TNR: variants seen among roughly 807,000 people sequenced by gnomAD.
The protein encoded by TNR is tenascin-R.
TNR carries 45 observed loss-of-function variants against 150.4 expected under a neutral mutation model. That is an observed-to-expected ratio of 0.30 (90% CI 0.24 to 0.38). The LOEUF is 0.38. Ranked by LOEUF, TNR falls within the 10% of genes least tolerant of loss-of-function variation. The pLI, the probability that TNR is intolerant of heterozygous loss-of-function variation, is 1.00. For synonymous variants in TNR, 687 were observed against 678.4 expected, an observed-to-expected ratio of 1.01 and a Z score of -0.20; for missense variants, 1,544 against 1,759.1, an observed-to-expected ratio of 0.88 and a Z score of 2.19.
Position 175,323,483 on chromosome 1 carries a change from G to C in TNR, c.3958-7C>G. The C allele has an allele frequency of 1.2e-6, 2 of 1,613,394 alleles. No homozygotes were observed. Among genetic ancestry groups the C allele is most frequent in the Non-Finnish European group, 8.5e-7 (1 of 1,179,648 alleles). On this transcript the variant is annotated splice_polypyrimidine_tract_variant and splice_region_variant and intron_variant, in intron 22 of 22. Coordinates refer to ENST00000367674, the MANE Select transcript of TNR (RefSeq NM_003285.3). ...AATGGTACCAGTTGATGCCCTGGGC[G>C]TGAGAAAGATAAGCATGTCAGGTCA...
chr1:175,574,125 G>A (rs1269961165), intron 1 of TNR, among the ~76,000 whole-genome samples: 1 of 152,112 alleles, frequency 6.6e-6, no homozygotes, highest in Non-Finnish European at 1.5e-5. Flanking sequence ...AACTTCCTCT[G>A]TCAGGGATCC....
At chr1:175,331,071 T>G (rs971402990) in intron 20 of TNR, among the ~76,000 whole-genome samples, 27 of 124,120 alleles carry the variant, frequency 2.2e-4, no homozygotes, top group African/African-American at 8.9e-4. Flanking sequence ...CTTTCTTTCT[T>G]TCTTTCCTTC....
intron 2 of TNR, among the ~76,000 whole-genome samples, chr1:175,466,882 C>T (rs1657058242): frequency 6.6e-6 from 1 of 152,080 alleles, no homozygotes; most frequent in Non-Finnish European, 1.5e-5. Context: ...GTATCCAAGC[C>T]ACCAAGCTCC....
intron 2 of TNR, among the ~76,000 whole-genome samples, chr1:175,473,481 C>G (rs968119348): frequency 1.3e-5 from 2 of 152,152 alleles, no homozygotes; most frequent in Admixed American, 6.5e-5. Flanking sequence ...AATGGAGCAA[C>G]TCAGGTCCTC....
intron 2 of TNR, among the ~76,000 whole-genome samples, chr1:175,479,160 C>G (rs1381259339): frequency 6.6e-6 from 1 of 152,184 alleles, no homozygotes; most frequent in Non-Finnish European, 1.5e-5. Context: ...TGTTCTCAAT[C>G]TCTGGCAAGA....
chr1:175,742,474 C>T (rs1667957118), intron 1 of TNR, among the ~76,000 whole-genome samples: 1 of 152,186 alleles, frequency 6.6e-6, no homozygotes, highest in South Asian at 2.1e-4. Flanking sequence ...GAGGGTACCT[C>T]CTGCCTCCTT....
At chr1:175,380,515 G>A (rs954755248) in intron 8 of TNR, among the ~76,000 whole-genome samples, 23 of 148,394 alleles carry the variant, frequency 1.5e-4, no homozygotes, top group Admixed American at 1.0e-3. Flanking sequence ...AGCTTGCAGC[G>A]AGCCGAGATC....
intron 1 of TNR, among the ~76,000 whole-genome samples, chr1:175,596,462 T>G (rs1663011852): frequency 6.6e-6 from 1 of 152,182 alleles, no homozygotes. Context: ...CCTGCTGTAC[T>G]GTGGGCTCTT....
intron 7 of TNR, among the ~76,000 whole-genome samples, chr1:175,388,161 T>C (rs1439080706): frequency 1.3e-5 from 2 of 152,066 alleles, no homozygotes; most frequent in African/African-American, 4.8e-5. Context: ...TGAAGCATAG[T>C]AGACACTCAG....
chr1:175,449,553 T>C (rs1656213830), intron 2 of TNR, among the ~76,000 whole-genome samples: 1 of 152,190 alleles, frequency 6.6e-6, no homozygotes, highest in African/African-American at 2.4e-5. Flanking sequence ...AAATGAATAG[T>C]CCTGAAGACT....
intron 1 of TNR, among the ~76,000 whole-genome samples, chr1:175,659,034 G>A (rs1665280759): frequency 6.6e-6 from 1 of 152,190 alleles, no homozygotes; most frequent in African/African-American, 2.4e-5. Context: ...GAATGGGGGT[G>A]GAAGCCACCT....
At chr1:175,571,972 A>G (rs1661891255) in intron 1 of TNR, among the ~76,000 whole-genome samples, 1 of 152,096 alleles carries the variant, frequency 6.6e-6, no homozygotes, top group South Asian at 2.1e-4. Flanking sequence ...CCACCAATAA[A>G]ACAAATAAGG....
At chr1:175,453,751 T>G (rs1296615239) in intron 2 of TNR, among the ~76,000 whole-genome samples, 3 of 152,042 alleles carry the variant, frequency 2.0e-5, no homozygotes, top group African/African-American at 4.8e-5. Context: ...AAAAAAGTTT[T>G]TTTTAGAGAC....
At chr1:175,528,954 G>T (rs1167852664) in intron 1 of TNR, among the ~76,000 whole-genome samples, 1 of 152,188 alleles carries the variant, frequency 6.6e-6, no homozygotes, top group Non-Finnish European at 1.5e-5. Flanking sequence ...GTTCAACAAA[G>T]AAGGAATAAA....
intron 7 of TNR, 40 bp downstream of exon 7, chr1:175,391,248 C>A (rs1235353416): frequency 6.2e-7 from 1 of 1,603,756 alleles, no homozygotes; most frequent in East Asian, 2.2e-5. Context: ...TCCAAGTGAC[C>A]TAGTAGGCAG....
At chr1:175,535,451 TTG>T (rs768951992) in intron 1 of TNR, among the ~76,000 whole-genome samples, 835 of 20,228 alleles carry the variant, frequency 0.041, 2 homozygotes, top group African/African-American at 0.067. Context: ...TTATTTTTTG[TTG>T]TTGTTGTTGT....
chr1:175,337,411 T>G, intron 19 of TNR, 117 bp downstream of exon 19: 2 of 1,223,830 alleles, frequency 1.6e-6, no homozygotes, highest in Non-Finnish European at 2.3e-6. Context: ...GATGGACATG[T>G]GGGGGGTGAT....
At chr1:175,340,986 T>A (rs1650494186) in intron 18 of TNR, among the ~76,000 whole-genome samples, 1 of 152,226 alleles carries the variant, frequency 6.6e-6, no homozygotes, top group Non-Finnish European at 1.5e-5. Flanking sequence ...GATAAGAGAT[T>A]GCATTTAGCC....
chr1:175,406,863 T>A, intron 2 of TNR, 86 bp from the exon 3 acceptor site: 1 of 1,016,990 alleles, frequency 9.8e-7, no homozygotes, highest in Non-Finnish European at 1.4e-6. Flanking sequence ...AGCTCAGGAG[T>A]AGGCAGCCAG....
Sources: gnomAD v4.1 joint callset for allele counts (sites outside exome capture counted in the v4.1 genomes callset) on GRCh38, gnomAD v4.1.1 for gene constraint, MANE v1.5 for transcripts, NCBI Gene and HGNC (gene_info 2026-07-23, HGNC 2026-07-21) for gene names.